DENND5B: variants seen among roughly 807,000 people sequenced by gnomAD.
DENND5B encodes DENN domain-containing protein 5B.
A neutral mutation model predicts 140.6 loss-of-function variants in DENND5B; 34 were observed. That is an observed-to-expected ratio of 0.24 (90% confidence interval 0.18 to 0.32). DENND5B has a LOEUF of 0.32. Among genes scored for constraint, DENND5B ranks in the 10% least tolerant of loss-of-function variants. DENND5B has a pLI of 1.00. For missense variants in DENND5B, 1,142 were observed against 1,560.2 expected (o/e 0.73, Z 4.52); for synonymous variants, 551 against 562.1 (o/e 0.98, Z 0.28).
chr12:31,423,544 A>G lies in DENND5B; in HGVS notation c.2470+53T>C, dbSNP rs532052202. On this transcript the variant is annotated intron_variant, in intron 11 of 20. Transcript: ENST00000389082. ...AGAGATCAAGACAAGGCCAAATAGTATTGAGTCTTCTCAGAGTCCAGTGCT... is the reference window on the plus strand; with the variant it reads ...AGAGATCAAGACAAGGCCAAATAGTGTTGAGTCTTCTCAGAGTCCAGTGCT... 2.5e-6 allele frequency: 4 copies of G among 1,573,764 alleles called. No homozygotes were observed. The East Asian group carries it at 6.7e-5, about 26-fold the overall frequency.
chr12:31,419,648 T>G (rs1942927053), intron 11 of DENND5B, among the ~76,000 whole-genome samples: 1 of 152,026 alleles, frequency 6.6e-6, no homozygotes, highest in Non-Finnish European at 1.5e-5. Context: ...TGACTCAAAA[T>G]TCCTGGGTTA....
chr12:31,488,131 A>ATT (rs68139114), intron 2 of DENND5B, among the ~76,000 whole-genome samples: 1 of 135,434 alleles, frequency 7.4e-6, no homozygotes, highest in Non-Finnish European at 1.6e-5. Context: ...ATACCCGGCT[A>ATT]TTTTTTTTTT....
At chr12:31,401,449 C>T (rs747790820) in intron 15 of DENND5B, among the ~76,000 whole-genome samples, 2 of 152,084 alleles carry the variant, frequency 1.3e-5, no homozygotes, top group Non-Finnish European at 2.9e-5. Flanking sequence ...GTGGAAACTG[C>T]TATTTCGAGA....
intron 8 of DENND5B, among the ~76,000 whole-genome samples, chr12:31,427,330 G>GACA (rs1943285482): frequency 6.6e-6 from 1 of 152,052 alleles, no homozygotes; most frequent in South Asian, 2.1e-4. Context: ...CCAGAGGCCA[G>GACA]GCGGTGGCTC....
intron 2 of DENND5B, among the ~76,000 whole-genome samples, chr12:31,490,753 T>C (rs75468459): frequency 0.012 from 1,808 of 152,258 alleles, 22 homozygotes; most frequent in East Asian, 0.031. Flanking sequence ...CTACAAAAAG[T>C]ATATATAGCC....
chr12:31,418,890 T>C (rs1158155254), intron 11 of DENND5B, among the ~76,000 whole-genome samples: 1 of 152,140 alleles, frequency 6.6e-6, no homozygotes, highest in Non-Finnish European at 1.5e-5. Flanking sequence ...CCTCCCACCT[T>C]GGCCTCCTAA....
intron 4 of DENND5B, 145 bp from the exon 5 acceptor site, chr12:31,452,621 C>A: frequency 1.3e-6 from 1 of 793,426 alleles, no homozygotes; most frequent in Non-Finnish European, 1.9e-6. Context: ...CCCAGGGGTT[C>A]GAGACAAGAC....
chr12:31,511,921 C>CT (rs761566462), intron 1 of DENND5B, among the ~76,000 whole-genome samples: 2,570 of 98,816 alleles, frequency 0.026, 166 homozygotes, highest in African/African-American at 0.057. Flanking sequence ...CTCCACTGCC[C>CT]TTTTTTTTTT....
chr12:31,448,297 G>C (rs533788814), intron 5 of DENND5B, among the ~76,000 whole-genome samples: 11 of 152,192 alleles, frequency 7.2e-5, no homozygotes, highest in African/African-American at 2.6e-4. Context: ...ACCACGCCCG[G>C]CTAATTTTTT....
chr12:31,402,682 T>G (rs769131160), intron 14 of DENND5B, 39 bp from the exon 15 acceptor site: 1 of 1,573,668 alleles, frequency 6.4e-7, no homozygotes, highest in South Asian at 1.2e-5. Context: ...AAAGCGGGAA[T>G]AAAATTCTCC....
intron 5 of DENND5B, among the ~76,000 whole-genome samples, chr12:31,449,278 T>C (rs557864255): frequency 9.9e-5 from 15 of 152,246 alleles, no homozygotes; most frequent in Non-Finnish European, 2.1e-4. Context: ...AAAATTTCCT[T>C]ATAGAAATCC....
chr12:31,433,027 T>C, intron 8 of DENND5B, 128 bp downstream of exon 8: 6 of 797,296 alleles, frequency 7.5e-6, no homozygotes, highest in Middle Eastern at 2.4e-4. Context: ...GGATTAATAT[T>C]TTAAACTATA....
chr12:31,582,185 A>C (rs1227977818), intron 1 of DENND5B, among the ~76,000 whole-genome samples: 1 of 151,672 alleles, frequency 6.6e-6, no homozygotes, highest in Non-Finnish European at 1.5e-5. Flanking sequence ...TTTAGGATTA[A>C]TTTTTTTTTA....
chr12:31,487,305 A>G (rs774885654), intron 2 of DENND5B, among the ~76,000 whole-genome samples: 1 of 152,212 alleles, frequency 6.6e-6, no homozygotes, highest in Admixed American at 6.5e-5. Flanking sequence ...ATAACTGTAT[A>G]AGGAAAGGCT....
At chr12:31,588,215 C>T (rs1950466976) in intron 1 of DENND5B, among the ~76,000 whole-genome samples, 1 of 152,140 alleles carries the variant, frequency 6.6e-6, no homozygotes, top group African/African-American at 2.4e-5. Context: ...ATCCATCTGG[C>T]CTGCTTCCTC....
intron 15 of DENND5B, 116 bp downstream of exon 15, chr12:31,402,382 C>T (rs1307708755): frequency 5.5e-5 from 70 of 1,283,814 alleles, no homozygotes; most frequent in Non-Finnish European, 6.8e-5. Context: ...TGATCCTGCA[C>T]GCTTTGAGTG....
intron 17 of DENND5B, among the ~76,000 whole-genome samples, chr12:31,395,685 G>C (rs1292321057): frequency 6.6e-6 from 1 of 152,056 alleles, no homozygotes; most frequent in Admixed American, 6.6e-5. Context: ...ACTAATAGAA[G>C]AATCTAGGGA....
intron 1 of DENND5B, among the ~76,000 whole-genome samples, chr12:31,530,956 A>G (rs1174563424): frequency 1.3e-5 from 2 of 152,202 alleles, no homozygotes; most frequent in South Asian, 2.1e-4. Context: ...TTATAATAAG[A>G]ATAGGTAAAA....
rs947953532 is a variant in DENND5B, at chr12:31,443,068, G to A, written c.1862-143C>T. ...ATTGTGTGTGTGTGTGTGTGTGCACGCACGCACGCATATATGCATGTTTTG... is the reference window on the plus strand; with the variant it reads ...ATTGTGTGTGTGTGTGTGTGTGCACACACGCACGCATATATGCATGTTTTG... On this transcript the variant is annotated intron_variant, in intron 6 of 20. Coordinates refer to ENST00000389082, the MANE Select transcript of DENND5B (RefSeq NM_144973.4). 54 of 537,790 alleles carry A rather than the reference G, an allele frequency of 1.0e-4. 1 individual carries two copies. Among genetic ancestry groups the A allele is most frequent in the Non-Finnish European group, 1.4e-4 (48 of 334,810 alleles). The allele number at this position is 537,790 out of a possible 1,614,324, so 33.3% of individuals were successfully genotyped here.
Sources: allele counts gnomAD v4.1 joint callset (sites outside exome capture counted in the v4.1 genomes callset), GRCh38; gene constraint gnomAD v4.1.1; transcripts MANE v1.5; gene names NCBI Gene and HGNC (gene_info 2026-07-23, HGNC 2026-07-21).